Variants in USP32 observed in about 807,000 individuals in gnomAD.
USP32 encodes ubiquitin carboxyl-terminal hydrolase 32.
A neutral mutation model predicts 204.8 loss-of-function variants in USP32; 59 were observed. The ratio of observed to expected loss-of-function variants is 0.29; its 90% CI spans 0.23 to 0.36. USP32 has a LOEUF of 0.36. Ranked by LOEUF, USP32 falls within the 10% of genes least tolerant of loss-of-function variation. USP32 has a pLI of 1.00. For missense variants in USP32, 1,160 were observed against 1,946.4 expected, an observed-to-expected ratio of 0.60 and a Z score of 7.60; for synonymous variants, 517 against 678.4, an observed-to-expected ratio of 0.76 and a Z score of 3.70.
intron 17 of USP32, among the ~76,000 whole-genome samples, chr17:60,213,938 G>GT (rs1262702476): frequency 4.7e-5 from 7 of 149,132 alleles, no homozygotes; most frequent in African/African-American, 9.8e-5. Flanking sequence ...AATACGTTTT[G>GT]TTTTTTGTTT....
intron 2 of USP32, among the ~76,000 whole-genome samples, chr17:60,339,308 C>G (rs1440088652): frequency 2.0e-5 from 3 of 151,978 alleles, no homozygotes; most frequent in Non-Finnish European, 4.4e-5. Flanking sequence ...AATGGCCGAG[C>G]ATGGTGGCTT....
intron 11 of USP32, chr17:60,245,482 T>A (rs1158657309): frequency 3.8e-5 from 13 of 340,364 alleles, no homozygotes; most frequent in Admixed American, 1.4e-4. Flanking sequence ...GGGCAGCATG[T>A]GGTTTGTTTT....
At chr17:60,382,126 C>T (rs1341999437) in intron 1 of USP32, among the ~76,000 whole-genome samples, 1 of 152,216 alleles carries the variant, frequency 6.6e-6, no homozygotes, top group Non-Finnish European at 1.5e-5. Flanking sequence ...GTGAGATAAG[C>T]TCACCGGCAA....
chr17:60,291,051 C>T (rs917271627), intron 4 of USP32, among the ~76,000 whole-genome samples: 1 of 152,152 alleles, frequency 6.6e-6, no homozygotes, highest in Non-Finnish European at 1.5e-5. Flanking sequence ...ACAGAAGACA[C>T]TATTATTATC....
intron 27 of USP32, among the ~76,000 whole-genome samples, chr17:60,196,233 T>A (rs1174872258): frequency 7.0e-6 from 1 of 142,554 alleles, no homozygotes; most frequent in Non-Finnish European, 1.5e-5. Context: ...GCCACTGCAC[T>A]CCAGCCTGGT....
intron 9 of USP32, among the ~76,000 whole-genome samples, chr17:60,260,452 G>A (rs893340529): frequency 6.6e-5 from 10 of 151,818 alleles, no homozygotes; most frequent in African/African-American, 2.4e-4. Flanking sequence ...GAACCCAGGA[G>A]GCGGAGGTTG....
intron 4 of USP32, among the ~76,000 whole-genome samples, chr17:60,289,047 G>C (rs367576601): frequency 6.6e-6 from 1 of 152,066 alleles, no homozygotes; most frequent in Non-Finnish European, 1.5e-5. Flanking sequence ...TCACTTTGTC[G>C]CCCAGGCTGG....
chr17:60,355,369 T>A (rs1379949282), intron 1 of USP32, among the ~76,000 whole-genome samples: 2 of 152,172 alleles, frequency 1.3e-5, no homozygotes, highest in African/African-American at 2.4e-5. Flanking sequence ...ACATGACTTT[T>A]GTATTTTAGG....
chr17:60,260,893 A>C (rs2086436342), intron 9 of USP32, among the ~76,000 whole-genome samples: 2 of 152,202 alleles, frequency 1.3e-5, no homozygotes, highest in South Asian at 4.1e-4. Flanking sequence ...TTAATTCTTA[A>C]AACAAAACAA....
At chr17:60,387,882 TTATTAATACTAAA>T (rs2089758375) in intron 1 of USP32, among the ~76,000 whole-genome samples, 1 of 152,216 alleles carries the variant, frequency 6.6e-6, no homozygotes, top group South Asian at 2.1e-4. Flanking sequence ...AATACTATGG[TTATTAATACTAAA>T]TATTAATACT....
At chr17:60,298,043 CT>C (rs2087481093) in intron 3 of USP32, among the ~76,000 whole-genome samples, 1 of 152,170 alleles carries the variant, frequency 6.6e-6, no homozygotes, top group Non-Finnish European at 1.5e-5. Flanking sequence ...CTTGTTTCAC[CT>C]TTTGACTTAT....
At chr17:60,230,750 G>T (rs1313898080) in intron 12 of USP32, among the ~76,000 whole-genome samples, 5 of 152,052 alleles carry the variant, frequency 3.3e-5, no homozygotes, top group Non-Finnish European at 7.4e-5. Context: ...TATTTTTCTT[G>T]TTCCTTCTAC....
In USP32 at chr17:60,269,726, T is replaced by C. The variant is rs567425059; in HGVS notation, c.704-169A>G. Among the ~76,000 whole-genome samples, 4 of 152,330 alleles carry C rather than the reference T, an allele frequency of 2.6e-5. No individual in the cohort carries two copies. The South Asian group carries it at 8.3e-4, about 32-fold the overall frequency. ...AAGTACCTCTTTCCTCTTGGTATAA[T>C]TATAATTGAAACTTGTGATCATGGC... On this transcript the variant is annotated intron_variant, in intron 6 of 33. Transcript: ENST00000300896.
At chr17:60,386,101 CT>C (rs1348133318) in intron 1 of USP32, among the ~76,000 whole-genome samples, 1 of 152,018 alleles carries the variant, frequency 6.6e-6, no homozygotes, top group Non-Finnish European at 1.5e-5. Flanking sequence ...TTTTACCAGG[CT>C]TTTGTGCCAA....
At chr17:60,322,567 AAAT>A (rs1405642971) in intron 2 of USP32, among the ~76,000 whole-genome samples, 2 of 152,198 alleles carry the variant, frequency 1.3e-5, no homozygotes, top group African/African-American at 4.8e-5. Flanking sequence ...CACACTAAAA[AAAT>A]AGAATTTCAA....
At chr17:60,255,566 G>A (rs939448982) in intron 9 of USP32, among the ~76,000 whole-genome samples, 10 of 152,120 alleles carry the variant, frequency 6.6e-5, no homozygotes, top group East Asian at 1.9e-4. Context: ...CCAAAGTGCC[G>A]GGATTACAGG....
At chr17:60,414,348 G>T (rs1316170963) in intron 1 of USP32, among the ~76,000 whole-genome samples, 1 of 150,638 alleles carries the variant, frequency 6.6e-6, no homozygotes, top group Non-Finnish European at 1.5e-5. Flanking sequence ...AGGTGACAGA[G>T]CAAGACAAGA....
chr17:60,266,505 T>TG (rs1420001810), intron 7 of USP32, among the ~76,000 whole-genome samples: 5 of 152,214 alleles, frequency 3.3e-5, no homozygotes, highest in African/African-American at 1.2e-4. Flanking sequence ...TTTTGTTTGT[T>TG]GGAGATGGAG....
chr17:60,410,979 C>G (rs893280060), intron 1 of USP32, among the ~76,000 whole-genome samples: 1 of 150,224 alleles, frequency 6.7e-6, no homozygotes, highest in Admixed American at 6.7e-5. Context: ...CTTAGGAGAC[C>G]AGCCTGGACA....
Sources: allele counts gnomAD v4.1 joint callset (sites outside exome capture counted in the v4.1 genomes callset), GRCh38; gene constraint gnomAD v4.1.1; transcripts MANE v1.5; gene names NCBI Gene and HGNC (gene_info 2026-07-23, HGNC 2026-07-21).